Variants in TEP1 observed in about 807,000 individuals in gnomAD.
The protein encoded by TEP1 is telomerase protein component 1.
Under a neutral mutation model 306.3 loss-of-function variants are expected in TEP1, and 241 were observed. The observed-to-expected ratio is 0.79, with a 90% CI of 0.71 to 0.88. The LOEUF (loss-of-function observed/expected upper bound fraction) is 0.88, where lower values mean the gene tolerates loss of function less well. Among genes scored for constraint, TEP1 ranks in the 40% least tolerant of loss-of-function variants. TEP1 has a pLI of 0.00. For synonymous variants in TEP1, 1,289 were observed against 1,305.5 expected (o/e 0.99, Z 0.27); for missense variants, 3,051 against 3,276.1 (o/e 0.93, Z 1.68).
chr14:20,402,515 C>T (rs1878836444), intron 7 of TEP1, among the ~76,000 whole-genome samples: 2 of 152,162 alleles, frequency 1.3e-5, no homozygotes, highest in Non-Finnish European at 2.9e-5. Flanking sequence ...CACTTATTTA[C>T]TTCCAGGAAT....
At chr14:20,406,074 T>G (rs551048870) in intron 3 of TEP1, among the ~76,000 whole-genome samples, 159 bp downstream of exon 3, 12 of 133,824 alleles carry the variant, frequency 9.0e-5, no homozygotes, top group African/African-American at 3.1e-4. Flanking sequence ...AAAAGGAAAA[T>G]AAAAGAAAAA....
At chr14:20,411,563 C>A (rs1233751198) in intron 1 of TEP1, among the ~76,000 whole-genome samples, 1 of 152,148 alleles carries the variant, frequency 6.6e-6, no homozygotes, top group Non-Finnish European at 1.5e-5. Flanking sequence ...TGTCTTTCTT[C>A]CCAATAGACC....
chr14:20,384,012 C>T (rs756167603), intron 24 of TEP1, 26 bp downstream of exon 24: 9 of 1,587,766 alleles, frequency 5.7e-6, no homozygotes, highest in Non-Finnish European at 7.7e-6. Flanking sequence ...TCCCTCCCTC[C>T]TGCCCAGGCC....
chr14:20,369,010 CTT>C (rs754858941), intron 53 of TEP1, 108 bp from the exon 54 acceptor site: 7,097 of 626,630 alleles, frequency 0.011, no homozygotes, highest in East Asian at 0.013. Context: ...CTTAGTATTT[CTT>C]TTTTTTTTTT....
Position 20,373,396 on chromosome 14 carries a change from G to A in TEP1, c.6688C>T (p.Gln2230Ter). 1 of 1,614,098 alleles carries A rather than the reference G, an allele frequency of 6.2e-7. No individual in the cohort carries two copies. Among genetic ancestry groups the A allele is most frequent in the South Asian group, 1.1e-5 (1 of 91,084 alleles). ...CTGTGTCCCAGGAGGGTGTGGGTTT[G>A]GCACACCTAGGAGGAAGGGATGGAG... ...TRLWHPLLVC[Q>*]THTLLGHSGP... Residue 2230 changes from glutamine (Q) to a stop codon, truncating the protein, a stop_gained, in exon 47 of 55, where the codon CAA (glutamine) becomes TAA (stop). Transcript: ENST00000262715. LOFTEE classifies it high-confidence loss of function.
chr14:20,380,211 T>C (rs748707767), intron 34 of TEP1, 24 bp downstream of exon 34: 4 of 1,606,894 alleles, frequency 2.5e-6, no homozygotes, highest in East Asian at 4.5e-5. Flanking sequence ...GTGGGCTTAC[T>C]AGGGTCTGGG....
chr14:20,410,799 GTGGTTTTTTTTTTTTT>G (rs1236194711), intron 1 of TEP1, among the ~76,000 whole-genome samples: 2 of 115,444 alleles, frequency 1.7e-5, no homozygotes, highest in African/African-American at 6.4e-5. Context: ...TTTCTCCTTT[GTGGTTTTTTTTTTTTT>G]TTTTTTTTTT....
chr14:20,386,451 T>C lies in TEP1; in HGVS notation c.2857A>G (p.Asn953Asp). 1.2e-6 allele frequency: 2 copies of C among 1,601,456 alleles called. No homozygotes were observed. Among genetic ancestry groups the C allele is most frequent in the South Asian group, 1.1e-5 (1 of 90,228 alleles). The change falls in exon 19 of 55, where the codon AAC becomes GAC. Residue 953 changes from asparagine to aspartate, a missense_variant. Around this residue, in one of 3 missense-constraint regions of TEP1, gnomAD observed 1,507 missense variants for 1,550.5 expected, o/e 0.97. Coordinates refer to ENST00000262715, the MANE Select transcript of TEP1 (RefSeq NM_007110.5). The part of the protein sequence containing the change: ...WGVTEEETRR[N>D]RQLEVCLGEV... ...TCTTCTCTGCAGCCCCCACACCTGT[T>C]CCTACGGGTCTCCTCCTCAGTGACG...
chr14:20,368,966 A>G, intron 53 of TEP1, 64 bp from the exon 54 acceptor site: 3 of 1,203,356 alleles, frequency 2.5e-6, no homozygotes, highest in Non-Finnish European at 3.6e-6. Flanking sequence ...GAGAAGCATC[A>G]CAATGTGCTG....
rs779717480 is a variant in TEP1 at position 20,381,078 on chromosome 14, T to C, written c.4648-33A>G. ...GGTCAGATTGAATTCATTAGGGATA[T>C]GAAGGGGCTGGTGAGAAGGGACAGT... On this transcript the variant is annotated intron_variant, in intron 32 of 54. Transcript: ENST00000262715. The surrounding 1 kb of genome is among the most constrained non-coding windows in gnomAD (Gnocchi z 4.0). 1.3e-6 allele frequency: 2 copies of C among 1,564,762 alleles called. No homozygotes were observed. Among genetic ancestry groups the C allele is most frequent in the African/African-American group, 1.4e-5 (1 of 73,988 alleles).
At chr14:20,375,090 TCAAAA>T (rs1885095590) in intron 43 of TEP1, among the ~76,000 whole-genome samples, 2 of 93,690 alleles carry the variant, frequency 2.1e-5, no homozygotes, top group African/African-American at 6.2e-5. Context: ...AAACTCTGTC[TCAAAA>T]CAAAAAAAAA....
intron 1 of TEP1, among the ~76,000 whole-genome samples, chr14:20,409,997 G>A (rs1166015333): frequency 9.7e-5 from 11 of 113,582 alleles, no homozygotes; most frequent in Non-Finnish European, 1.7e-4. Context: ...CTCCAGCCTG[G>A]GCGACAGAGC....
Position 20,381,087 on chromosome 14 carries a change from T to C in TEP1, c.4648-42A>G, listed in dbSNP as rs1876482662. 2 of 1,524,494 alleles carry C rather than the reference T, an allele frequency of 1.3e-6. No individual in the cohort carries two copies. Among genetic ancestry groups the C allele is most frequent in the Non-Finnish European group, 1.8e-6 (2 of 1,099,102 alleles). The allele number at this position is 1,524,494 out of a possible 1,614,324, so 94.4% of individuals were successfully genotyped here. ...GAATTCATTAGGGATATGAAGGGGC[T>C]GGTGAGAAGGGACAGTTTAGTCTCA... On this transcript the variant is annotated intron_variant, in intron 32 of 54. Coordinates refer to ENST00000262715, the MANE Select transcript of TEP1 (RefSeq NM_007110.5). The surrounding 1 kb of genome is among the most constrained non-coding windows in gnomAD (Gnocchi z 4.0).
chr14:20,391,637 T>C lies in TEP1; in HGVS notation c.2059A>G (p.Asn687Asp). 1 of 1,614,096 alleles carries C rather than the reference T, an allele frequency of 6.2e-7. No homozygotes were observed. Among genetic ancestry groups the C allele is most frequent in the Non-Finnish European group, 8.5e-7 (1 of 1,180,008 alleles). The change falls in exon 13 of 55, where the codon AAT (asparagine) becomes GAT (aspartate). Residue 687 changes from asparagine to aspartate, a missense_variant. This residue lies in a region of TEP1 where 1,507 missense variants were observed against 1,550.5 expected (regional missense o/e 0.97). Transcript: ENST00000262715. Reference sequence around the variant, plus strand: ...CTCTTTGGACAGAGCCTGTCTGCATTAGCATCTGTCAGATAGACCAAGACA... The same window carrying C: ...CTCTTTGGACAGAGCCTGTCTGCATCAGCATCTGTCAGATAGACCAAGACA... ...RTVLVYLTDA[N>D]ADRLCPKSNP...
Position 20,391,861 on chromosome 14 carries a change from G to C in TEP1, c.1929-94C>G, listed in dbSNP as rs1877756985. On this transcript the variant is annotated intron_variant, in intron 12 of 54. Coordinates refer to ENST00000262715, the MANE Select transcript of TEP1 (RefSeq NM_007110.5). ...ATGAGAAGTTGCCACTAAGTATTGA[G>C]TCTTCTCCCTCCCTCAAGCACCATA... 4 of 1,389,624 alleles carry C rather than the reference G, an allele frequency of 2.9e-6. No individual in the cohort carries two copies. In the Admixed American group the frequency reaches 7.6e-5, roughly 26 times the overall value. The allele number at this position is 1,389,624 out of a possible 1,614,324, so 86.1% of individuals were successfully genotyped here. A position where few individuals can be genotyped will look rare whatever the true frequency, so the allele number is the denominator to read the frequency against.
At position 20,368,797 on chromosome 14, in the gene TEP1, C is replaced by A. The variant is rs1466342512; in HGVS notation, c.7761+1G>T. The A allele has an allele frequency of 1.1e-5, 18 of 1,602,936 alleles. No homozygotes were observed. The highest frequency in any genetic ancestry group is 1.5e-5 in the Non-Finnish European group (18 of 1,171,158). ...ACACACACACACACACACACACTTA[C>A]CAGCTGCATACTGGGTCTCTCCCAT... On this transcript the variant is annotated splice_donor_variant, in intron 54 of 54. Coordinates refer to ENST00000262715, the MANE Select transcript of TEP1 (RefSeq NM_007110.5). LOFTEE classifies it high-confidence loss of function.
chr14:20,389,632 G>C lies in TEP1; in HGVS notation c.2443C>G (p.Leu815Val). 1 of 1,614,210 alleles carries C rather than the reference G, an allele frequency of 6.2e-7. No individual in the cohort carries two copies. The change falls in exon 16 of 55, where the codon CTC becomes GTC. Residue 815 changes from leucine (L) to valine (V), a missense_variant. Around this residue, in one of 3 missense-constraint regions of TEP1, gnomAD observed 1,507 missense variants for 1,550.5 expected, o/e 0.97. Transcript: ENST00000262715. ...TACAGGTATTGTACCCTTCTTAGGA[G>C]GATACCAACAAAGAGGCACTTGGAA... ...VNSKCLFVGI[L>V]LRRVQYLSTD...
rs1418966339 is a variant in TEP1 at position 20,400,161 on chromosome 14, A to G, written c.1549+823T>C. On this transcript the variant is annotated intron_variant, in intron 9 of 54. Coordinates refer to ENST00000262715, the MANE Select transcript of TEP1 (RefSeq NM_007110.5). The stretch of plus-strand genomic sequence containing the variant: ...TCAAAAAAAAAAAAAAAAAAAAAAA[A>G]AGAATTATCTACATATACCGGCTTC... 2.1e-5 allele frequency among the ~76,000 whole-genome samples: 3 copies of G among 146,232 alleles called. No individual in the cohort carries two copies. The East Asian group carries it at 6.2e-4, about 30-fold the overall frequency.
intron 9 of TEP1, among the ~76,000 whole-genome samples, chr14:20,397,433 C>G (rs1878297168): frequency 6.6e-6 from 1 of 151,926 alleles, no homozygotes; most frequent in Non-Finnish European, 1.5e-5. Context: ...CGCTTGAAAC[C>G]AAAATGCGAA....
Sources: gnomAD v4.1 joint callset for allele counts (sites outside exome capture counted in the v4.1 genomes callset) on GRCh38, gnomAD v4.1.1 for gene constraint, gnomAD v4.1.1 regional missense constraint, Gnocchi (gnomAD v3.1) non-coding constraint, MANE v1.5 for transcripts, NCBI Gene and HGNC (gene_info 2026-07-23, HGNC 2026-07-21) for gene names.